Variants in RANBP2 observed in about 807,000 individuals in gnomAD.
The protein encoded by RANBP2 is RAN binding protein 2, also known as E3 SUMO-protein ligase RanBP2.
In RANBP2, 57 loss-of-function variants were observed where a neutral mutation model predicts 303.6. That is an observed-to-expected ratio of 0.19 (90% CI 0.15 to 0.23). RANBP2 has a LOEUF of 0.23. RANBP2 is among the 10% of genes least tolerant of loss of function. The pLI, the probability that RANBP2 is intolerant of heterozygous loss-of-function variation, is 1.00. For missense variants in RANBP2, 3,138 were observed against 3,780.8 expected (o/e 0.83, Z 4.46); for synonymous variants, 1,167 against 1,301.5 (o/e 0.90, Z 2.23).
chr2:109,082,261 C>G, the RANBP2 span, among the ~76,000 whole-genome samples: 3 of 152,160 alleles, frequency 2.0e-5, no homozygotes, highest in Non-Finnish European at 4.4e-5. Context: ...TCAGTCAGCT[C>G]CTGGTATTCC....
the RANBP2 span, among the ~76,000 whole-genome samples, chr2:108,872,279 C>T: frequency 6.6e-6 from 1 of 152,158 alleles, no homozygotes; most frequent in Non-Finnish European, 1.5e-5. Flanking sequence ...AATTTATGTC[C>T]TTCTCATACG....
the RANBP2 span, among the ~76,000 whole-genome samples, chr2:108,806,210 C>T: frequency 1.3e-5 from 2 of 152,142 alleles, no homozygotes; most frequent in Non-Finnish European, 1.5e-5. Context: ...TGTTTGGAAT[C>T]CCACTTTATC....
the RANBP2 span, among the ~76,000 whole-genome samples, chr2:109,115,466 TG>T: frequency 6.6e-6 from 1 of 152,246 alleles, no homozygotes; most frequent in Non-Finnish European, 1.5e-5. Flanking sequence ...TGCCTTTTTT[TG>T]TTTTCCATTT....
At chr2:108,818,870 A>C in the RANBP2 span, among the ~76,000 whole-genome samples, 1 of 151,352 alleles carries the variant, frequency 6.6e-6, no homozygotes, top group Non-Finnish European at 1.5e-5. Flanking sequence ...TTAAGGATGG[A>C]TTTAATATTT....
the RANBP2 span, among the ~76,000 whole-genome samples, chr2:109,675,227 T>C: frequency 6.6e-6 from 1 of 152,318 alleles, no homozygotes; most frequent in Admixed American, 6.5e-5. Flanking sequence ...TGTCTGATCT[T>C]GAAGAATGTT....
At chr2:108,816,180 G>T in the RANBP2 span, 1 of 1,085,040 alleles carries the variant, frequency 9.2e-7, no homozygotes, top group Non-Finnish European at 1.4e-6. Context: ...GCCAGGCACA[G>T]TGGCTCACGT....
the RANBP2 span, among the ~76,000 whole-genome samples, chr2:109,682,516 A>T: frequency 2.6e-5 from 4 of 152,092 alleles, no homozygotes; most frequent in African/African-American, 2.4e-5. Flanking sequence ...TGGTATTTTG[A>T]ATTAAAGGCC....
chr2:109,449,430 C>T, the RANBP2 span: 12 of 1,613,886 alleles, frequency 7.4e-6, 1 homozygote, highest in Middle Eastern at 3.3e-4. Flanking sequence ...CATCGGTGTT[C>T]TGTCCACATC....
At chr2:109,044,114 G>T in the RANBP2 span, among the ~76,000 whole-genome samples, 1 of 152,124 alleles carries the variant, frequency 6.6e-6, no homozygotes, top group Non-Finnish European at 1.5e-5. Context: ...GTGCTTAGAA[G>T]ACCTTTATAT....
At chr2:108,738,978 G>C (rs147849097) in intron 6 of RANBP2, among the ~76,000 whole-genome samples, 1 of 152,090 alleles carries the variant, frequency 6.6e-6, no homozygotes, top group East Asian at 1.9e-4. Flanking sequence ...CAGCAAAAAA[G>C]TAGTCAGAAA....
the RANBP2 span, among the ~76,000 whole-genome samples, chr2:109,051,451 A>G: frequency 6.6e-6 from 1 of 152,312 alleles, no homozygotes; most frequent in East Asian, 1.9e-4. Context: ...TACCCATTTA[A>G]GGGGCTTCAA....
At chr2:109,699,373 G>C in the RANBP2 span, among the ~76,000 whole-genome samples, 1 of 152,182 alleles carries the variant, frequency 6.6e-6, no homozygotes, top group East Asian at 1.9e-4. Flanking sequence ...CCGCCTCCCT[G>C]TGCAGTCAAA....
the RANBP2 span, among the ~76,000 whole-genome samples, chr2:109,174,922 C>G: frequency 1.3e-5 from 2 of 152,208 alleles, no homozygotes; most frequent in East Asian, 1.9e-4. Flanking sequence ...CTGATGTCAT[C>G]TAATGGGGAG....
chr2:109,553,179 C>G, the RANBP2 span: 1 of 1,614,096 alleles, frequency 6.2e-7, no homozygotes, highest in Non-Finnish European at 8.5e-7. Context: ...TGACGTTCAC[C>G]ATGGAACTCA....
In RANBP2 at chr2:108,785,187, A is replaced by G. The variant is rs895278823; in HGVS notation, c.*1286A>G. The stretch of plus-strand genomic sequence containing the variant: ...GAAATTGGGTATCCTAAAGCAAGTA[A>G]CTGTTCAACCACCAGTCAAAAGAGG... On this transcript the variant is annotated 3_prime_UTR_variant, in exon 29 of 29. Coordinates refer to ENST00000283195, the MANE Select transcript of RANBP2 (RefSeq NM_006267.5). The G allele has an allele frequency of 1.1e-4, 17 of 152,204 alleles. No homozygotes were observed. Among genetic ancestry groups the G allele is most frequent in the African/African-American group, 3.6e-4 (15 of 41,450 alleles). The allele number at this position is 152,204 out of a possible 1,614,324, so 9.4% of individuals were successfully genotyped here. A position where few individuals can be genotyped will look rare whatever the true frequency, so the allele number is the denominator to read the frequency against.
At chr2:108,907,119 C>G in the RANBP2 span, among the ~76,000 whole-genome samples, 11,965 of 152,284 alleles carry the variant, frequency 0.079, 563 homozygotes, top group South Asian at 0.15. Flanking sequence ...CAGCACATTA[C>G]AGGGCGGTAG....
At chr2:109,269,967 G>A in the RANBP2 span, among the ~76,000 whole-genome samples, 1 of 152,318 alleles carries the variant, frequency 6.6e-6, no homozygotes, top group East Asian at 1.9e-4. Context: ...ATTCCTAGCT[G>A]TACAGAAATT....
At chr2:109,524,573 A>G in the RANBP2 span, among the ~76,000 whole-genome samples, 1 of 151,840 alleles carries the variant, frequency 6.6e-6, no homozygotes, top group South Asian at 2.1e-4. Context: ...CCTGGCCAAC[A>G]TGGTGAAACC....
At chr2:109,574,485 G>T in the RANBP2 span, 2 of 700,378 alleles carry the variant, frequency 2.9e-6, no homozygotes, top group Non-Finnish European at 4.0e-6. Flanking sequence ...AGATGCACAG[G>T]ATAAAAGTTA....
Sources: allele counts gnomAD v4.1 joint callset (sites outside exome capture counted in the v4.1 genomes callset), GRCh38; gene constraint gnomAD v4.1.1; transcripts MANE v1.5; gene names NCBI Gene and HGNC (gene_info 2026-07-23, HGNC 2026-07-21).